RARB: variants seen among roughly 807,000 people sequenced by gnomAD.
RARB encodes retinoic acid receptor beta.
A neutral mutation model predicts 51.9 loss-of-function variants in RARB; 17 were observed. The ratio of observed to expected loss-of-function variants is 0.33; its 90% CI spans 0.22 to 0.49. RARB has a LOEUF of 0.49. RARB is among the 20% of genes least tolerant of loss of function. RARB has a pLI of 0.99. For synonymous variants in RARB, 215 were observed against 195.4 expected (o/e 1.10, Z -0.84); for missense variants, 369 against 550.8 (o/e 0.67, Z 3.30).
chr3:25,543,480 C>T (rs755417142), intron 3 of RARB, among the ~76,000 whole-genome samples: 30 of 152,102 alleles, frequency 2.0e-4, no homozygotes, highest in Non-Finnish European at 3.4e-4. Flanking sequence ...TCCATGAGTG[C>T]CTCAATAACT....
chr3:24,872,665 T>C (rs1485986488), intron 2 of RARB, among the ~76,000 whole-genome samples: 1 of 152,044 alleles, frequency 6.6e-6, no homozygotes, highest in East Asian at 1.9e-4. Context: ...GAGTGAGAAC[T>C]TCCTCATTAC....
intron 5 of RARB, among the ~76,000 whole-genome samples, chr3:25,230,295 G>A (rs926652777): frequency 1.3e-5 from 2 of 151,978 alleles, no homozygotes; most frequent in East Asian, 1.9e-4. Flanking sequence ...TACACACTGG[G>A]AACCTATGGA....
At chr3:25,233,830 A>G (rs1398475624) in intron 5 of RARB, among the ~76,000 whole-genome samples, 1 of 151,478 alleles carries the variant, frequency 6.6e-6, no homozygotes, top group Non-Finnish European at 1.5e-5. Flanking sequence ...ATATCTATTG[A>G]GAAGATCATA....
intron 3 of RARB, among the ~76,000 whole-genome samples, chr3:25,087,617 G>T (rs1359623796): frequency 2.0e-5 from 3 of 152,090 alleles, no homozygotes; most frequent in Non-Finnish European, 4.4e-5. Context: ...TTACTTTGAA[G>T]AATACCTGGC....
chr3:25,213,246 C>T lies in RARB; in HGVS notation c.178+38671C>T, dbSNP rs192789183. On this transcript the variant is annotated intron_variant, in intron 5 of 11. Coordinates refer to the RARB transcript ENST00000383772. ...TTCTTCCCTATTCCCCAAGTCCTCG[C>T]TGTCCTGCCTTCTGACAGCATAGAT... Among the ~76,000 whole-genome samples, 326 of 152,298 alleles carry T rather than the reference C, an allele frequency of 2.1e-3. 1 individual carries two copies. The highest frequency in any genetic ancestry group is 3.6e-3 in the Non-Finnish European group (248 of 68,020).
At chr3:25,192,968 T>G (rs1030652774) in intron 5 of RARB, among the ~76,000 whole-genome samples, 37 of 152,164 alleles carry the variant, frequency 2.4e-4, no homozygotes, top group African/African-American at 8.9e-4. Flanking sequence ...GCTTACATTC[T>G]AGAAGGAAGC....
rs184647295 is a variant in RARB at position 25,250,299 on chromosome 3, G to A, written c.178+75724G>A. ...CCAGCCTGTGTGGGTCTATCCTCAGGCTCCATGTGATGTGTGCAGGCACTG... is the reference window on the plus strand; with the variant it reads ...CCAGCCTGTGTGGGTCTATCCTCAGACTCCATGTGATGTGTGCAGGCACTG... On this transcript the variant is annotated intron_variant, in intron 5 of 11. Coordinates refer to the RARB transcript ENST00000383772. Among the ~76,000 whole-genome samples the A allele has an allele frequency of 3.9e-5, 6 of 152,282 alleles. No homozygotes were observed. In the East Asian group the frequency reaches 1.2e-3, roughly 29 times the overall value.
At chr3:25,590,038 G>C (rs1701553144) in intron 5 of RARB, among the ~76,000 whole-genome samples, 1 of 152,234 alleles carries the variant, frequency 6.6e-6, no homozygotes, top group Non-Finnish European at 1.5e-5. Flanking sequence ...TCCTGTTTCA[G>C]GCTGGGGCCG....
intron 2 of RARB, among the ~76,000 whole-genome samples, chr3:24,863,462 C>A (rs749012793): frequency 6.6e-6 from 1 of 152,012 alleles, no homozygotes; most frequent in Non-Finnish European, 1.5e-5. Context: ...GCATGATGGG[C>A]CTTTGGAGTG....
chr3:25,346,161 A>T (rs534103113), intron 5 of RARB, among the ~76,000 whole-genome samples: 3 of 152,054 alleles, frequency 2.0e-5, no homozygotes, highest in Admixed American at 2.0e-4. Context: ...CAACTTCCAT[A>T]CCTTTTCCGT....
At chr3:25,406,201 G>A (rs951121628) in intron 5 of RARB, among the ~76,000 whole-genome samples, 2 of 152,140 alleles carry the variant, frequency 1.3e-5, no homozygotes, top group Admixed American at 1.3e-4. Flanking sequence ...CCCACCTTTT[G>A]GATATGCTCC....
At chr3:25,468,784 G>T (rs1223505006) in intron 2 of RARB, among the ~76,000 whole-genome samples, 1 of 152,200 alleles carries the variant, frequency 6.6e-6, no homozygotes, top group East Asian at 1.9e-4. Context: ...CCCAAGAAGG[G>T]ACAGTTAGCA....
At chr3:25,234,838 T>C (rs1475999522) in intron 5 of RARB, among the ~76,000 whole-genome samples, 1 of 152,110 alleles carries the variant, frequency 6.6e-6, no homozygotes, top group Non-Finnish European at 1.5e-5. Flanking sequence ...CAGGGACCCA[T>C]TTTTCTGGTT....
chr3:25,086,809 GGGTTAAGATAAGGGACCGT>G (rs1432686760), intron 3 of RARB, among the ~76,000 whole-genome samples: 6 of 150,534 alleles, frequency 4.0e-5, no homozygotes, highest in Non-Finnish European at 8.8e-5. Context: ...GGGAGTATCT[GGGTTAAGATAAGGGACCGT>G]GGAGAACAAG....
At chr3:25,434,793 G>A (rs540298043) in intron 1 of RARB, among the ~76,000 whole-genome samples, 1 of 151,916 alleles carries the variant, frequency 6.6e-6, no homozygotes, top group South Asian at 2.1e-4. Flanking sequence ...GCCCACCTCG[G>A]CCTCCCAAAG....
chr3:25,085,129 A>G (rs1442573833), intron 3 of RARB, among the ~76,000 whole-genome samples: 1 of 152,196 alleles, frequency 6.6e-6, no homozygotes, highest in Admixed American at 6.5e-5. Context: ...AGACAACTAT[A>G]GATGTGCCAC....
At chr3:25,563,910 G>C (rs1700373288) in intron 3 of RARB, among the ~76,000 whole-genome samples, 1 of 149,010 alleles carries the variant, frequency 6.7e-6, no homozygotes, top group Non-Finnish European at 1.5e-5. Context: ...TGAATATAGA[G>C]AACTTTATGG....
At chr3:25,271,309 ATAG>A (rs1003259558) in intron 5 of RARB, among the ~76,000 whole-genome samples, 1 of 152,218 alleles carries the variant, frequency 6.6e-6, no homozygotes, top group African/African-American at 2.4e-5. Context: ...CATATAAATA[ATAG>A]TGTGCTAACC....
chr3:25,130,752 C>G (rs1699932380), intron 3 of RARB, among the ~76,000 whole-genome samples: 1 of 151,894 alleles, frequency 6.6e-6, no homozygotes, highest in South Asian at 2.1e-4. Flanking sequence ...CACTGTCTCA[C>G]TCATCTTGCT....
Sources: allele counts gnomAD v4.1 joint callset (sites outside exome capture counted in the v4.1 genomes callset), GRCh38; gene constraint gnomAD v4.1.1; transcripts MANE v1.5; gene names NCBI Gene and HGNC (gene_info 2026-07-23, HGNC 2026-07-21).